The following TGFBR1 variants were observed in gnomAD, a reference collection of about 807,000 sequenced individuals.
The protein encoded by TGFBR1 is transforming growth factor beta receptor 1.
Under a neutral mutation model 55.1 loss-of-function variants are expected in TGFBR1, and 20 were observed. The observed-to-expected ratio is 0.36, with a 90% CI of 0.26 to 0.53. The LOEUF is 0.53. Among genes scored for constraint, TGFBR1 ranks in the 20% least tolerant of loss-of-function variants. TGFBR1 has a pLI of 0.91. For synonymous variants in TGFBR1, 220 were observed against 214.8 expected, an observed-to-expected ratio of 1.02 and a Z score of -0.21; for missense variants, 385 against 617.6, an observed-to-expected ratio of 0.62 and a Z score of 3.99.
intron 1 of TGFBR1, among the ~76,000 whole-genome samples, chr9:99,116,117 C>A (rs1564133041): frequency 6.6e-6 from 1 of 151,378 alleles, no homozygotes; most frequent in Admixed American, 6.6e-5. Context: ...TAAACTTGAG[C>A]CTTTCTGCTC....
In TGFBR1 at chr9:99,146,633, G is replaced by A. The variant is rs334354; in HGVS notation, c.1255+24G>A. ...TGGTAAATTGCTCTCCTCTCCCCCAGTAGTTTGTCATGAGCAGAAGTTGTT... is the reference window on the plus strand; with the variant it reads ...TGGTAAATTGCTCTCCTCTCCCCCAATAGTTTGTCATGAGCAGAAGTTGTT... On this transcript the variant is annotated intron_variant, in intron 7 of 8. Coordinates refer to ENST00000374994, the MANE Select transcript of TGFBR1 (RefSeq NM_004612.4). The A allele has an allele frequency of 0.21, 341,570 of 1,613,174 alleles. 38,438 individuals are homozygous for A. Among genetic ancestry groups the A allele is most frequent in the East Asian group, 0.47 (21,265 of 44,830 alleles).
chr9:99,150,565 G>A lies in TGFBR1; in HGVS notation c.*1260G>A, dbSNP rs200765185. 6 of 215,784 alleles carry A rather than the reference G, an allele frequency of 2.8e-5. No homozygotes were observed. The highest frequency in any genetic ancestry group is 4.7e-5 in the Non-Finnish European group (5 of 106,708). 13.4% of individuals were successfully genotyped at this position (215,784 alleles called of 1,614,324 possible). ...GTTATGTATGTAGGAGTAAACGTTC[G>A]GTGGATCCTCTGTCTTTGTAACTGA... On this transcript the variant is annotated 3_prime_UTR_variant, in exon 9 of 9. Transcript: ENST00000374994.
chr9:99,107,002 A>T (rs1254290062), intron 1 of TGFBR1, among the ~76,000 whole-genome samples: 1 of 152,222 alleles, frequency 6.6e-6, no homozygotes, highest in Non-Finnish European at 1.5e-5. Flanking sequence ...CACCGCTATT[A>T]ACTTGAATAA....
At chr9:99,123,918 A>G (rs561626955) in intron 1 of TGFBR1, among the ~76,000 whole-genome samples, 42 of 152,224 alleles carry the variant, frequency 2.8e-4, no homozygotes, top group Admixed American at 1.2e-3. Flanking sequence ...AATAAAGTAC[A>G]GTATCTCATT....
intron 1 of TGFBR1, among the ~76,000 whole-genome samples, chr9:99,116,629 C>A (rs35951531): frequency 6.6e-6 from 1 of 152,130 alleles, no homozygotes; most frequent in Non-Finnish European, 1.5e-5. Flanking sequence ...ACATCAAGAC[C>A]CTTATGCCTC....
chr9:99,140,158 A>C (rs1364448351), intron 4 of TGFBR1, among the ~76,000 whole-genome samples: 2 of 152,178 alleles, frequency 1.3e-5, no homozygotes, highest in African/African-American at 4.8e-5. Context: ...TCTTAAGTTA[A>C]AAACAAAACA....
rs10988730 is a variant in TGFBR1 at position 99,148,174 on chromosome 9, G to A, written c.1386+390G>A. Among the ~76,000 whole-genome samples, 1,412 of 152,272 alleles carry A rather than the reference G, an allele frequency of 9.3e-3. 28 individuals are homozygous for A. The highest frequency in any genetic ancestry group is 0.05 in the Admixed American group (765 of 15,288). On this transcript the variant is annotated intron_variant, in intron 8 of 8. Transcript: ENST00000374994. ...GTCTGACTCTGAACAAATCCCTTTA[G>A]TTCTCTGGACTTTAATATCCCTTTG... is the stretch of plus-strand genomic sequence containing the variant.
At chr9:99,136,744 A>T (rs1000596540) in intron 3 of TGFBR1, among the ~76,000 whole-genome samples, 2 of 152,116 alleles carry the variant, frequency 1.3e-5, no homozygotes, top group Admixed American at 1.3e-4. Flanking sequence ...TAACGTTTGG[A>T]TTTATAAGCA....
At chr9:99,109,893 A>T (rs1826513924) in intron 1 of TGFBR1, among the ~76,000 whole-genome samples, 1 of 152,208 alleles carries the variant, frequency 6.6e-6, no homozygotes, top group African/African-American at 2.4e-5. Flanking sequence ...ATTTATGGTC[A>T]GTTTTGACCC....
rs1827799094 is a variant in TGFBR1, at chr9:99,146,477, T to G, written c.1131-8T>G. 6.2e-7 allele frequency: 1 copy of G among 1,613,878 alleles called. No individual in the cohort carries two copies. The highest frequency in any genetic ancestry group is 1.3e-5 in the African/African-American group (1 of 75,042). ...ATTTTCAAAGTTCTTTTTGCAAATT[T>G]TTTTTAGGTACATGGCCCCTGAAGT... On this transcript the variant is annotated splice_polypyrimidine_tract_variant and splice_region_variant and intron_variant, in intron 6 of 8. Coordinates refer to ENST00000374994, the MANE Select transcript of TGFBR1 (RefSeq NM_004612.4).
At position 99,105,124 on chromosome 9, in the gene TGFBR1, A is replaced by G. The variant is rs1826363753; in HGVS notation, c.-82A>G. The G allele has an allele frequency of 2.0e-6, 2 of 999,702 alleles. No individual in the cohort carries two copies. The highest frequency in any genetic ancestry group is 2.4e-6 in the Non-Finnish European group (2 of 827,736). 61.9% of individuals were successfully genotyped at this position (999,702 alleles called of 1,614,324 possible). ...AGCGAGGCCGCCGCGGCGGCTAGGG[A>G]GGTGGGGCGAGGCGAGGTTTGCTGG... On this transcript the variant is annotated 5_prime_UTR_variant, in exon 1 of 9. Transcript: ENST00000374994.
At position 99,108,554 on chromosome 9, in the gene TGFBR1, G is replaced by A. The variant is rs528780000; in HGVS notation, c.97+3252G>A. The stretch of plus-strand genomic sequence containing the variant: ...ATTAGTGTAAGCTGGAATGATTGGG[G>A]GAGGCTTCTTGGACACTTTAGGACT... On this transcript the variant is annotated intron_variant, in intron 1 of 8. Transcript: ENST00000374994. Among the ~76,000 whole-genome samples, 17 of 152,286 alleles carry A rather than the reference G, an allele frequency of 1.1e-4. No individual in the cohort carries two copies. The South Asian group carries it at 3.3e-3, about 30-fold the overall frequency.
At chr9:99,146,631 C>T in intron 7 of TGFBR1, 22 bp downstream of exon 7, 1 of 1,613,768 alleles carries the variant, frequency 6.2e-7, no homozygotes, top group Non-Finnish European at 8.5e-7. Flanking sequence ...TCCTCTCCCC[C>T]AGTAGTTTGT....
At chr9:99,143,020 C>T (rs1827672169) in intron 5 of TGFBR1, among the ~76,000 whole-genome samples, 2 of 152,076 alleles carry the variant, frequency 1.3e-5, no homozygotes, top group Admixed American at 1.3e-4. Context: ...CATCATGCCA[C>T]TGCACTCCCA....
At position 99,142,569 on chromosome 9, in the gene TGFBR1, C is replaced by T; in HGVS notation, c.839C>T (p.Ser280Leu). 1 of 1,614,034 alleles carries T rather than the reference C, an allele frequency of 6.2e-7. No individual in the cohort carries two copies. The highest frequency in any genetic ancestry group is 8.5e-7 in the Non-Finnish European group (1 of 1,179,958). Reference protein sequence around the residue: ...NGTWTQLWLVSDYHEHGSLFD... With the variant: ...NGTWTQLWLVLDYHEHGSLFD... Reference sequence around the variant, plus strand: ...ACTTGGACTCAGCTCTGGTTGGTGTCAGATTATCATGAGCATGGATCCCTT... The same window carrying T: ...ACTTGGACTCAGCTCTGGTTGGTGTTAGATTATCATGAGCATGGATCCCTT... The change falls in exon 5 of 9, where the codon TCA becomes TTA. Residue 280 changes from serine to leucine, a missense_variant. By Grantham distance (145) the Ser-to-Leu change is moderately radical. Transcript: ENST00000374994.
intron 2 of TGFBR1, among the ~76,000 whole-genome samples, chr9:99,129,910 T>TAATA (rs910740155): frequency 1.3e-5 from 2 of 151,868 alleles, no homozygotes; most frequent in African/African-American, 4.8e-5. Context: ...AAAAAAAAGA[T>TAATA]AATAAATAAA....
In TGFBR1 at chr9:99,146,520, A is replaced by G. The variant is rs863223825; in HGVS notation, c.1166A>G (p.Asn389Ser). 3 of 1,614,012 alleles carry G rather than the reference A, an allele frequency of 1.9e-6. No homozygotes were observed. Among genetic ancestry groups the G allele is most frequent in the Non-Finnish European group, 2.5e-6 (3 of 1,179,910 alleles). Reference sequence around the variant, plus strand: ...CCTGAAGTTCTCGATGATTCCATAAATATGAAACATTTTGAATCCTTCAAA... The same window carrying G: ...CCTGAAGTTCTCGATGATTCCATAAGTATGAAACATTTTGAATCCTTCAAA... ...MAPEVLDDSI[N>S]MKHFESFKRA... is the part of the protein sequence containing the mutation. The change falls in exon 7 of 9, where the codon AAT becomes AGT. Residue 389 changes from asparagine (N) to serine (S), a missense_variant. Coordinates refer to ENST00000374994, the MANE Select transcript of TGFBR1 (RefSeq NM_004612.4).
At chr9:99,126,162 A>G (rs1827034993) in intron 1 of TGFBR1, among the ~76,000 whole-genome samples, 3 of 152,240 alleles carry the variant, frequency 2.0e-5, no homozygotes, top group Admixed American at 6.5e-5. Context: ...TGGTATATGT[A>G]AAGACCAAGG....
chr9:99,121,567 G>A (rs1033421086), intron 1 of TGFBR1, among the ~76,000 whole-genome samples: 6 of 152,058 alleles, frequency 3.9e-5, no homozygotes, highest in Non-Finnish European at 7.4e-5. Flanking sequence ...GATAAAAGGG[G>A]CTGACATTAG....
Sources: allele counts gnomAD v4.1 joint callset (sites outside exome capture counted in the v4.1 genomes callset), GRCh38; gene constraint gnomAD v4.1.1; transcripts MANE v1.5; gene names NCBI Gene and HGNC (gene_info 2026-07-23, HGNC 2026-07-21).